The following TLN2 variants were observed in gnomAD, a reference collection of about 807,000 sequenced individuals.
The protein encoded by TLN2 is talin-2.
In TLN2, 118 loss-of-function variants were observed where a neutral mutation model predicts 294.7. The ratio of observed to expected loss-of-function variants is 0.40; its 90% CI spans 0.34 to 0.47. The LOEUF (loss-of-function observed/expected upper bound fraction) is 0.47, where lower values mean the gene tolerates loss of function less well. Ranked by LOEUF, TLN2 falls within the 20% of genes least tolerant of loss-of-function variation. The probability of loss-of-function intolerance (pLI) is 0.84; values close to 1 mark genes in which losing one functional copy is unlikely to be tolerated. For synonymous variants in TLN2, 1,431 were observed against 1,304.5 expected (o/e 1.10, Z -2.09); for missense variants, 3,083 against 3,282.2 (o/e 0.94, Z 1.48).
rs1288333622 is a variant in TLN2, at chr15:62,414,163, ACTAT to A, written c.-238+23479_-238+23482del. Among the ~76,000 whole-genome samples the A allele has an allele frequency of 8.0e-4, 30 of 37,368 alleles. 5 individuals are homozygous for A. Among genetic ancestry groups the A allele is most frequent in the South Asian group, 2.8e-3 (2 of 712 alleles). 24.5% of individuals were successfully genotyped at this position (37,368 alleles called of 152,430 possible). A position where few individuals can be genotyped will look rare whatever the true frequency, so the allele number is the denominator to read the frequency against. On this transcript the variant is annotated intron_variant, in intron 1 of 58. Coordinates refer to ENST00000636159, the MANE Select transcript of TLN2 (RefSeq NM_015059.3). ...CAGTGAAGTGTTAGCAAAAAAAAAA[ACTAT>A]ATATATATATATATATATATATATA...
chr15:62,701,395 G>T (rs189103144), intron 17 of TLN2, among the ~76,000 whole-genome samples, 181 bp downstream of exon 17: 11 of 152,264 alleles, frequency 7.2e-5, no homozygotes, highest in Non-Finnish European at 1.2e-4. Flanking sequence ...AGAGTGGGAA[G>T]GAACATCTCA....
At chr15:62,394,549 A>C (rs989156961) in intron 1 of TLN2, among the ~76,000 whole-genome samples, 2 of 152,230 alleles carry the variant, frequency 1.3e-5, no homozygotes, top group Non-Finnish European at 2.9e-5. Context: ...TAGTTAAAAC[A>C]TAAGCCACAC....
intron 48 of TLN2, 116 bp from the exon 49 acceptor site, chr15:62,800,252 C>G (rs2065835421): frequency 6.7e-7 from 1 of 1,487,350 alleles, no homozygotes; most frequent in African/African-American, 1.4e-5. Context: ...CTGCAGACTT[C>G]AGACTGTCTT....
chr15:62,563,973 G>A (rs2043182558), intron 1 of TLN2, among the ~76,000 whole-genome samples: 1 of 152,204 alleles, frequency 6.6e-6, no homozygotes, highest in African/African-American at 2.4e-5. Context: ...GTATTGCCCA[G>A]CATATAGCCG....
At chr15:62,429,566 T>C (rs1009560072) in intron 1 of TLN2, among the ~76,000 whole-genome samples, 2 of 152,092 alleles carry the variant, frequency 1.3e-5, no homozygotes, top group Non-Finnish European at 2.9e-5. Context: ...ATGTATTTAA[T>C]TGCTGGTGTG....
At chr15:62,656,652 GCTTCCTTT>G (rs2053246258) in intron 8 of TLN2, among the ~76,000 whole-genome samples, 1 of 152,106 alleles carries the variant, frequency 6.6e-6, no homozygotes, top group South Asian at 2.1e-4. Context: ...TCTCCTACCA[GCTTCCTTT>G]CTTCCTTTCC....
At position 62,696,155 on chromosome 15, in the gene TLN2, T is replaced by A. The variant is rs148082268; in HGVS notation, c.1293-1533T>A. Among the ~76,000 whole-genome samples, 26 of 152,274 alleles carry A rather than the reference T, an allele frequency of 1.7e-4. 1 individual carries two copies. In the South Asian group the frequency reaches 1.9e-3, roughly 11 times the overall value. ...CTAGACTGCAGTGTTTCTCCATGGA[T>A]GCCTGTTGCTTGGGATCCCCGCGTG... On this transcript the variant is annotated intron_variant, in intron 14 of 58. Transcript: ENST00000636159.
At chr15:62,625,354 C>A (rs2049189585) in intron 3 of TLN2, among the ~76,000 whole-genome samples, 2 of 152,156 alleles carry the variant, frequency 1.3e-5, no homozygotes, top group African/African-American at 4.8e-5. Flanking sequence ...GTCCCCTCCA[C>A]TAGGGTATGG....
Position 62,470,897 on chromosome 15 carries a change from T to A in TLN2, c.-238+80212T>A, listed in dbSNP as rs150485926. 3.9e-5 allele frequency among the ~76,000 whole-genome samples: 6 copies of A among 152,378 alleles called. No individual in the cohort carries two copies. The East Asian group carries it at 1.2e-3, about 29-fold the overall frequency. On this transcript the variant is annotated intron_variant, in intron 1 of 58. Coordinates refer to ENST00000636159, the MANE Select transcript of TLN2 (RefSeq NM_015059.3). ...TTCATTAGTCATAGTAGGCCTTATG[T>A]ACATTTTAAACGTAGCAAAATATAA... is the stretch of plus-strand genomic sequence containing the variant.
At chr15:62,498,141 G>GAGA (rs2039106932) in intron 1 of TLN2, among the ~76,000 whole-genome samples, 2 of 122,174 alleles carry the variant, frequency 1.6e-5, no homozygotes, top group Non-Finnish European at 3.2e-5. Flanking sequence ...GTGACAGCGT[G>GAGA]AGACCCTGCC....
At chr15:62,752,228 G>C in intron 34 of TLN2, 77 bp from the exon 35 acceptor site, 1 of 1,536,610 alleles carries the variant, frequency 6.5e-7, no homozygotes, top group African/African-American at 1.4e-5. Context: ...GAATATTAAA[G>C]TTGGAGTGTA....
At chr15:62,548,658 G>A (rs955486436) in intron 1 of TLN2, among the ~76,000 whole-genome samples, 3 of 152,134 alleles carry the variant, frequency 2.0e-5, no homozygotes, top group African/African-American at 7.2e-5. Flanking sequence ...GCTTAGAATT[G>A]GGTTCCTGTT....
chr15:62,770,921 A>AT, intron 41 of TLN2, 43 bp from the exon 42 acceptor site: 1 of 1,575,850 alleles, frequency 6.3e-7, no homozygotes, highest in South Asian at 1.2e-5. Flanking sequence ...AGACACGTGT[A>AT]TTTACATGAT....
At chr15:62,559,763 C>CT (rs2042812721) in intron 1 of TLN2, among the ~76,000 whole-genome samples, 1 of 152,252 alleles carries the variant, frequency 6.6e-6, no homozygotes, top group Non-Finnish European at 1.5e-5. Flanking sequence ...GAACTGGGGA[C>CT]TGAGGCACTG....
intron 37 of TLN2, among the ~76,000 whole-genome samples, chr15:62,759,540 T>G (rs984272531): frequency 6.6e-6 from 1 of 152,216 alleles, no homozygotes; most frequent in African/African-American, 2.4e-5. Flanking sequence ...TTGTCATCTT[T>G]TTAGTCTGAA....
intron 3 of TLN2, among the ~76,000 whole-genome samples, chr15:62,643,286 A>T (rs1331527451): frequency 6.6e-6 from 1 of 152,104 alleles, no homozygotes; most frequent in Admixed American, 6.5e-5. Flanking sequence ...CCTTATCTCA[A>T]GCTTGGAAAA....
chr15:62,740,860 G>A, intron 32 of TLN2, 91 bp downstream of exon 32: 1 of 1,549,928 alleles, frequency 6.5e-7, no homozygotes, highest in Non-Finnish European at 8.8e-7. Flanking sequence ...CTTTTGCTGA[G>A]CAAAAGAATT....
At chr15:62,751,948 A>G (rs1366348746) in intron 34 of TLN2, among the ~76,000 whole-genome samples, 1 of 152,206 alleles carries the variant, frequency 6.6e-6, no homozygotes, top group African/African-American at 2.4e-5. Context: ...ATGCTTTCTG[A>G]TTATGACCTC....
chr15:62,768,735 G>T (rs1172460560), intron 41 of TLN2, among the ~76,000 whole-genome samples: 9 of 152,194 alleles, frequency 5.9e-5, no homozygotes, highest in Non-Finnish European at 1.0e-4. Flanking sequence ...TACTTGCTAA[G>T]CTCCCTAAAT....
Sources: gnomAD v4.1 joint callset for allele counts (sites outside exome capture counted in the v4.1 genomes callset) on GRCh38, gnomAD v4.1.1 for gene constraint, MANE v1.5 for transcripts, NCBI Gene and HGNC (gene_info 2026-07-23, HGNC 2026-07-21) for gene names.